Variants in TAF1A observed in about 807,000 individuals in gnomAD.
TAF1A encodes the protein TATA-box binding protein associated factor, RNA polymerase I subunit A.
TAF1A carries 42 observed loss-of-function variants against 61.6 expected under a neutral mutation model. That is an observed-to-expected ratio of 0.68 (90% confidence interval 0.53 to 0.88). The LOEUF is 0.88. Among genes scored for constraint, TAF1A ranks in the 40% least tolerant of loss-of-function variants. The pLI is 0.00. For synonymous variants in TAF1A, 179 were observed against 177.7 expected, an observed-to-expected ratio of 1.01 and a Z score of -0.06; for missense variants, 424 against 518.7, an observed-to-expected ratio of 0.82 and a Z score of 1.77.
At chr1:222,571,444 T>C (rs1178208181) in intron 5 of TAF1A, among the ~76,000 whole-genome samples, 1 of 152,058 alleles carries the variant, frequency 6.6e-6, no homozygotes, top group Non-Finnish European at 1.5e-5. Context: ...TAAAACTATC[T>C]CTATTTGCAG....
intron 3 of TAF1A, among the ~76,000 whole-genome samples, chr1:222,582,368 G>A (rs571052753): frequency 6.6e-6 from 1 of 152,304 alleles, no homozygotes; most frequent in South Asian, 2.1e-4. Context: ...TTAGTCATTA[G>A]AGAAATGCAA....
chr1:222,560,724 A>G lies in TAF1A; in HGVS notation c.1240+640T>C, dbSNP rs550151648. ...GACACCTTAAGCTCCCTAGCAATGG[A>G]CTGCTTACTAGTGGTCACTGTAAGA... On this transcript the variant is annotated intron_variant, in intron 10 of 10. Coordinates refer to ENST00000352967, the MANE Select transcript of TAF1A (RefSeq NM_005681.4). Among the ~76,000 whole-genome samples the G allele has an allele frequency of 3.3e-5, 5 of 152,324 alleles. 1 individual carries two copies. The South Asian group carries it at 1.0e-3, about 32-fold the overall frequency.
In TAF1A at chr1:222,563,164, G is replaced by A. The variant is rs1659981123; in HGVS notation, c.1085+9C>T. ...GATGACCTAGTAATAAACACTGTATGTTTCTTACCCCATTAAGATATTTTT... is the reference window on the plus strand; with the variant it reads ...GATGACCTAGTAATAAACACTGTATATTTCTTACCCCATTAAGATATTTTT... On this transcript the variant is annotated intron_variant, in intron 9 of 10. Coordinates refer to ENST00000352967, the MANE Select transcript of TAF1A (RefSeq NM_005681.4). 1 of 1,600,774 alleles carries A rather than the reference G, an allele frequency of 6.2e-7. No homozygotes were observed. The highest frequency in any genetic ancestry group is 1.3e-5 in the African/African-American group (1 of 74,122).
chr1:222,587,518 A>G (rs1661062336), intron 2 of TAF1A, among the ~76,000 whole-genome samples: 1 of 152,244 alleles, frequency 6.6e-6, no homozygotes, highest in African/African-American at 2.4e-5. Context: ...GGGCAAAAAA[A>G]CACATATTTA....
At chr1:222,563,431 T>C (rs931252558) in intron 8 of TAF1A, 135 bp from the exon 9 acceptor site, 9 of 1,003,510 alleles carry the variant, frequency 9.0e-6, no homozygotes, top group South Asian at 1.7e-5. Context: ...TCATAAGCCT[T>C]CTGGTTAACA....
intron 5 of TAF1A, among the ~76,000 whole-genome samples, chr1:222,574,738 A>C (rs1461225609): frequency 1.3e-5 from 2 of 152,240 alleles, no homozygotes; most frequent in Non-Finnish European, 2.9e-5. Context: ...GAATATATAC[A>C]GTACAACTCC....
Position 222,589,206 on chromosome 1 carries a change from T to G in TAF1A, c.-3+521A>C, listed in dbSNP as rs188358021. On this transcript the variant is annotated intron_variant, in intron 1 of 10. Coordinates refer to ENST00000352967, the MANE Select transcript of TAF1A (RefSeq NM_005681.4). The stretch of plus-strand genomic sequence containing the variant: ...TAAGCCAAGGTGAGTTTAGACTTAC[T>G]CCTAAAGATGCTCAGGGCCCCTTCC... Among the ~76,000 whole-genome samples the G allele has an allele frequency of 2.3e-3, 357 of 152,238 alleles. 1 individual carries two copies. Among genetic ancestry groups the G allele is most frequent in the Non-Finnish European group, 4.0e-3 (272 of 68,016 alleles).
chr1:222,579,890 A>C lies in TAF1A; in HGVS notation c.292-18T>G. On this transcript the variant is annotated intron_variant, in intron 3 of 10. Transcript: ENST00000352967. ...CAAATAATCTGTCAAAGCAGAAATT[A>C]CTGCCAAAATGTAAAATTTTTGCCT... 1 of 1,586,132 alleles carries C rather than the reference A, an allele frequency of 6.3e-7. No individual in the cohort carries two copies. The highest frequency in any genetic ancestry group is 8.5e-7 in the Non-Finnish European group (1 of 1,171,742).
chr1:222,562,662 T>C (rs1659962086), intron 9 of TAF1A, among the ~76,000 whole-genome samples: 1 of 152,180 alleles, frequency 6.6e-6, no homozygotes, highest in South Asian at 2.1e-4. Flanking sequence ...TTACTCAAAA[T>C]GTGACACTAA....
intron 3 of TAF1A, among the ~76,000 whole-genome samples, chr1:222,581,016 G>A (rs542117379): frequency 1.2e-4 from 18 of 152,188 alleles, no homozygotes; most frequent in Admixed American, 2.6e-4. Context: ...GCCAGGCGTC[G>A]TGGCGGGAGG....
chr1:222,580,822 C>T (rs78908265), intron 3 of TAF1A, among the ~76,000 whole-genome samples: 1 of 151,434 alleles, frequency 6.6e-6, no homozygotes, highest in African/African-American at 2.4e-5. Context: ...TTCTCACCAC[C>T]AGTGTACACA....
At chr1:222,556,156 G>A (rs1659722452), downstream of TAF1A, among the ~76,000 whole-genome samples, 1 of 152,186 alleles carries the variant, frequency 6.6e-6, no homozygotes, top group Admixed American at 6.5e-5. Context: ...TGTAAGAAAA[G>A]GCAAGGACTG....
At chr1:222,570,410 T>C in intron 6 of TAF1A, 125 bp downstream of exon 6, 1 of 1,024,324 alleles carries the variant, frequency 9.8e-7, no homozygotes, top group African/African-American at 1.6e-5. Flanking sequence ...AGACACCGTA[T>C]TTTTGCTTTC....
intron 7 of TAF1A, 41 bp downstream of exon 7, chr1:222,569,469 A>C: frequency 6.2e-7 from 1 of 1,613,516 alleles, no homozygotes; most frequent in Non-Finnish European, 8.5e-7. Flanking sequence ...TTTAATGTAG[A>C]TTCCCAACCC....
At chr1:222,586,444 T>C (rs560704649) in intron 2 of TAF1A, among the ~76,000 whole-genome samples, 1 of 152,344 alleles carries the variant, frequency 6.6e-6, no homozygotes, top group South Asian at 2.1e-4. Flanking sequence ...TCTTCCAACC[T>C]AGCCTAGCTA....
intron 4 of TAF1A, 130 bp from the exon 5 acceptor site, chr1:222,577,773 T>C (rs754049877): frequency 1.3e-6 from 1 of 774,440 alleles, no homozygotes; most frequent in Non-Finnish European, 2.1e-6. Context: ...ATGGAAAATT[T>C]TGATGTTGGG....
At position 222,585,679 on chromosome 1, in the gene TAF1A, C is replaced by T. The variant is rs969355818; in HGVS notation, c.122-1382G>A. Among the ~76,000 whole-genome samples, 3 of 149,014 alleles carry T rather than the reference C, an allele frequency of 2.0e-5. No individual in the cohort carries two copies. In the Admixed American group the frequency reaches 2.0e-4, roughly 10 times the overall value. On this transcript the variant is annotated intron_variant, in intron 2 of 10. Transcript: ENST00000352967. Reference sequence around the variant, plus strand: ...ACTATTAATGATAGCAATGTCTCAACCTAGAAAAAGTTTTAATTCTTAAAA... The same window carrying T: ...ACTATTAATGATAGCAATGTCTCAATCTAGAAAAAGTTTTAATTCTTAAAA...
chr1:222,556,836 G>C (rs968470394), downstream of TAF1A, among the ~76,000 whole-genome samples: 43 of 152,188 alleles, frequency 2.8e-4, no homozygotes, highest in Admixed American at 8.5e-4. Context: ...TCAGGAAGTA[G>C]ATCTTGGCCT....
chr1:222,565,408 C>A (rs80334582), intron 7 of TAF1A, among the ~76,000 whole-genome samples: 1 of 152,012 alleles, frequency 6.6e-6, no homozygotes, highest in Non-Finnish European at 1.5e-5. Flanking sequence ...TTCCAAATAC[C>A]CTATTTTTCA....
Sources: allele counts gnomAD v4.1 joint callset (sites outside exome capture counted in the v4.1 genomes callset), GRCh38; gene constraint gnomAD v4.1.1; transcripts MANE v1.5; gene names NCBI Gene and HGNC (gene_info 2026-07-23, HGNC 2026-07-21).